Variants in SBF2 observed in about 807,000 individuals in gnomAD.
SBF2 encodes the protein myotubularin-related protein 13.
SBF2 carries 112 observed loss-of-function variants against 225.2 expected under a neutral mutation model. The ratio of observed to expected loss-of-function variants is 0.50; its 90% CI spans 0.43 to 0.58. The LOEUF (loss-of-function observed/expected upper bound fraction) is 0.58, where lower values mean the gene tolerates loss of function less well. Among genes scored for constraint, SBF2 ranks in the 20% least tolerant of loss-of-function variants. The pLI is 0.00. For missense variants in SBF2, 1,996 were observed against 2,206.2 expected (o/e 0.90, Z 1.91); for synonymous variants, 763 against 773.3 (o/e 0.99, Z 0.22).
In SBF2 at chr11:10,294,165, G is replaced by A. The variant is rs926747013; in HGVS notation, c.-96C>T. 2 of 911,372 alleles carry A rather than the reference G, an allele frequency of 2.2e-6. No individual in the cohort carries two copies. The highest frequency in any genetic ancestry group is 2.9e-6 in the Non-Finnish European group (2 of 689,758). The allele number at this position is 911,372 out of a possible 1,614,324, so 56.5% of individuals were successfully genotyped here. ...GAGGGCTCAGCATTTTCCCTGCAGC[G>A]GCAGTAGCGGCAGCGGCAGCGCTTC... is the stretch of plus-strand genomic sequence containing the variant. On this transcript the variant is annotated 5_prime_UTR_variant, in exon 1 of 40. Coordinates refer to ENST00000256190, the MANE Select transcript of SBF2 (RefSeq NM_030962.4).
chr11:9,798,896 G>T (rs1853304105), intron 32 of SBF2, among the ~76,000 whole-genome samples: 1 of 148,164 alleles, frequency 6.7e-6, no homozygotes, highest in Admixed American at 6.8e-5. Flanking sequence ...AGCTTGCAGT[G>T]AGCCGAGATC....
At chr11:10,272,531 T>C (rs1962578539) in intron 1 of SBF2, among the ~76,000 whole-genome samples, 1 of 152,224 alleles carries the variant, frequency 6.6e-6, no homozygotes, top group Non-Finnish European at 1.5e-5. Context: ...GGCTTACGCC[T>C]GTAATCCCAG....
intron 2 of SBF2, among the ~76,000 whole-genome samples, chr11:10,152,749 G>A (rs112514861): frequency 7.9e-4 from 120 of 152,176 alleles, no homozygotes; most frequent in African/African-American, 2.8e-3. Context: ...CATATAAATG[G>A]TGAACCAAAG....
At chr11:9,942,912 A>AAAGAAAGG (rs1466028223) in intron 16 of SBF2, among the ~76,000 whole-genome samples, 7 of 66,760 alleles carry the variant, frequency 1.0e-4, no homozygotes, top group Non-Finnish European at 2.6e-4. Context: ...AGAAAGAAAG[A>AAAGAAAGG]AAGAAAGAAA....
chr11:10,083,792 A>G (rs1951453935), intron 2 of SBF2, among the ~76,000 whole-genome samples: 1 of 151,380 alleles, frequency 6.6e-6, no homozygotes, highest in Non-Finnish European at 1.5e-5. Flanking sequence ...AAAACGTAGG[A>G]AAAACTCTTC....
chr11:9,990,879 G>A (rs1215725782), intron 12 of SBF2, among the ~76,000 whole-genome samples: 1 of 152,194 alleles, frequency 6.6e-6, no homozygotes, highest in South Asian at 2.1e-4. Flanking sequence ...AGAGTATGAA[G>A]AACAGAGGAG....
At position 10,110,705 on chromosome 11, in the gene SBF2, A is replaced by G. The variant is rs1033468631; in HGVS notation, c.142-67724T>C. 3.1e-4 allele frequency among the ~76,000 whole-genome samples: 47 copies of G among 152,180 alleles called. 1 individual carries two copies. The highest frequency in any genetic ancestry group is 1.1e-3 in the African/African-American group (45 of 41,460). On this transcript the variant is annotated intron_variant, in intron 2 of 39. Transcript: ENST00000256190. ...TATTAAGAGTTCAACTAACTAGAAA[A>G]AAACAAAAATGGTTCTGTTGGCACA...
rs150598413 is a variant in SBF2, at chr11:9,787,667, G to C, written c.5004C>G (p.Thr1668=). ...EKWQQLWERV[T]VDLKEEPRTD... is the part of the protein sequence containing the mutation. ...TTCTTGGTTCTTCTTTAAGGTCCAC[G>C]GTTACCCTTTCCCACAGCTGCTGCC... Residue 1668 remains threonine, a synonymous_variant, in exon 36 of 40, where the codon ACC becomes ACG. Transcript: ENST00000256190. The C allele has an allele frequency of 7.6e-5, 123 of 1,614,168 alleles. No individual in the cohort carries two copies. The African/African-American group carries it at 8.3e-4, about 11-fold the overall frequency.
At chr11:9,965,554 C>A (rs1322567580) in intron 14 of SBF2, among the ~76,000 whole-genome samples, 1 of 152,148 alleles carries the variant, frequency 6.6e-6, no homozygotes, top group Non-Finnish European at 1.5e-5. Flanking sequence ...TCCCAAAGTG[C>A]TGGGATTACA....
chr11:10,265,032 C>A (rs1430539589), intron 1 of SBF2, among the ~76,000 whole-genome samples: 1 of 152,116 alleles, frequency 6.6e-6, no homozygotes, highest in Non-Finnish European at 1.5e-5. Context: ...AGTAGTGTCG[C>A]AGTAAACATA....
At position 9,913,466 on chromosome 11, in the gene SBF2, T is replaced by C. The variant is rs1000230063; in HGVS notation, c.1861-17455A>G. Among the ~76,000 whole-genome samples, 8 of 152,272 alleles carry C rather than the reference T, an allele frequency of 5.3e-5. No individual in the cohort carries two copies. In the East Asian group the frequency reaches 1.3e-3, roughly 26 times the overall value. ...ATGGAGTTTCTTGTGGGAATGAGAC[T>C]AGTATAATTACTTAGAAAAAAACAT... is the stretch of plus-strand genomic sequence containing the variant. On this transcript the variant is annotated intron_variant, in intron 16 of 39. Transcript: ENST00000256190.
rs369653070 is a variant in SBF2 at position 9,853,626 on chromosome 11, C to T, written c.2450G>A (p.Arg817Gln). ...ENTDIANSVV[R>Q]FITRFIDKVC... is the part of the protein sequence containing the mutation. Reference sequence around the variant, plus strand: ...TTTGTCAATAAATCGGGTAATGAACCGCACAACAGAATTGGCAATGTCAGT... The same window carrying T: ...TTTGTCAATAAATCGGGTAATGAACTGCACAACAGAATTGGCAATGTCAGT... Residue 817 changes from arginine (R) to glutamine (Q), a missense_variant, in exon 20 of 40, where the codon CGG becomes CAG. By Grantham distance (43) the Arg-to-Gln change is conservative. Transcript: ENST00000256190. The T allele has an allele frequency of 9.9e-6, 16 of 1,613,760 alleles. No homozygotes were observed. The African/African-American group carries it at 1.7e-4, about 18-fold the overall frequency.
intron 2 of SBF2, among the ~76,000 whole-genome samples, chr11:10,093,396 AC>A (rs1324617755): frequency 1.9e-3 from 278 of 149,608 alleles, no homozygotes; most frequent in African/African-American, 6.2e-3. Context: ...AAAAAAAAAA[AC>A]AAAAAAAAAT....
chr11:9,822,512 G>C (rs1430694148), intron 28 of SBF2, among the ~76,000 whole-genome samples: 1 of 151,992 alleles, frequency 6.6e-6, no homozygotes, highest in Non-Finnish European at 1.5e-5. Flanking sequence ...CGCCCGCCTC[G>C]GCCTCCCAAA....
intron 2 of SBF2, among the ~76,000 whole-genome samples, chr11:10,154,041 C>T (rs1955350248): frequency 6.6e-6 from 1 of 151,996 alleles, no homozygotes; most frequent in Non-Finnish European, 1.5e-5. Flanking sequence ...TGTTTATCGT[C>T]TATCTTGTCT....
At chr11:10,049,950 A>T (rs1211673561) in intron 2 of SBF2, among the ~76,000 whole-genome samples, 1 of 152,226 alleles carries the variant, frequency 6.6e-6, no homozygotes, top group Non-Finnish European at 1.5e-5. Flanking sequence ...GGAAGGAAGT[A>T]TGTGAGCTTA....
chr11:9,905,422 G>T (rs1288497482), intron 16 of SBF2, among the ~76,000 whole-genome samples: 1 of 152,166 alleles, frequency 6.6e-6, no homozygotes, highest in Non-Finnish European at 1.5e-5. Context: ...AACATTGAGC[G>T]TAATCAGGAT....
chr11:10,228,114 T>C (rs1958661465), intron 1 of SBF2, among the ~76,000 whole-genome samples: 2 of 150,872 alleles, frequency 1.3e-5, no homozygotes, highest in Admixed American at 1.3e-4. Flanking sequence ...ATGATTTGGC[T>C]CTCTGTTTGT....
intron 2 of SBF2, among the ~76,000 whole-genome samples, chr11:10,059,077 G>A (rs1487312014): frequency 6.6e-6 from 1 of 152,122 alleles, no homozygotes; most frequent in Non-Finnish European, 1.5e-5. Flanking sequence ...ACAGACCAGT[G>A]TCACTGTAAA....
Sources: gnomAD v4.1 joint callset for allele counts (sites outside exome capture counted in the v4.1 genomes callset) on GRCh38, gnomAD v4.1.1 for gene constraint, MANE v1.5 for transcripts, NCBI Gene and HGNC (gene_info 2026-07-23, HGNC 2026-07-21) for gene names.